RC3H1: variants seen among roughly 807,000 people sequenced by gnomAD.
The protein encoded by RC3H1 is roquin-1.
A neutral mutation model predicts 138.2 loss-of-function variants in RC3H1; 50 were observed. The observed-to-expected ratio is 0.36, with a 90% CI of 0.29 to 0.46. RC3H1 has a LOEUF of 0.46. Among genes scored for constraint, RC3H1 ranks in the 20% least tolerant of loss-of-function variants. RC3H1 has a pLI of 1.00. For synonymous variants in RC3H1, 462 were observed against 489.1 expected, an observed-to-expected ratio of 0.94 and a Z score of 0.73; for missense variants, 1,031 against 1,388.1, an observed-to-expected ratio of 0.74 and a Z score of 4.09.
intron 2 of RC3H1, among the ~76,000 whole-genome samples, chr1:173,987,024 A>G (rs1350046549): frequency 6.6e-6 from 1 of 152,114 alleles, no homozygotes; most frequent in Non-Finnish European, 1.5e-5. Context: ...TATTGGGGTT[A>G]TGGATTTTTG....
intron 13 of RC3H1, among the ~76,000 whole-genome samples, chr1:173,954,187 G>A (rs1659537441): frequency 6.6e-6 from 1 of 152,150 alleles, no homozygotes; most frequent in Non-Finnish European, 1.5e-5. Flanking sequence ...TAGGTATCCA[G>A]CAACAGATGA....
At position 173,999,378 on chromosome 1, in the gene RC3H1, C is replaced by CA. The variant is rs11299661; in HGVS notation, c.-150-6244dup. ...CTGGGCAATGAGAGCAAAACTCCAC[C>CA]AAAAAAAAAAAAAAGAGAGAGAGAG... On this transcript the variant is annotated intron_variant, in intron 1 of 19. Coordinates refer to ENST00000367696, the MANE Select transcript of RC3H1 (RefSeq NM_172071.4). 2.8e-3 allele frequency among the ~76,000 whole-genome samples: 310 copies of CA among 110,296 alleles called. 3 individuals carry two copies. Among genetic ancestry groups the CA allele is most frequent in the African/African-American group, 8.3e-3 (168 of 20,280 alleles). The allele number at this position is 110,296 out of a possible 152,430, so 72.4% of individuals were successfully genotyped here.
chr1:173,965,905 C>G (rs1352171544), intron 9 of RC3H1, among the ~76,000 whole-genome samples: 2 of 152,208 alleles, frequency 1.3e-5, no homozygotes, highest in Non-Finnish European at 2.9e-5. Flanking sequence ...CTCTGGGAGG[C>G]TGAAGCGGGC....
At chr1:173,941,862 C>T (rs140935415) in intron 18 of RC3H1, among the ~76,000 whole-genome samples, 4 of 149,582 alleles carry the variant, frequency 2.7e-5, no homozygotes, top group African/African-American at 9.9e-5. Flanking sequence ...ACCCAGAAGA[C>T]GGAGGTTGCA....
At chr1:173,983,268 A>G in intron 4 of RC3H1, 150 bp downstream of exon 4, 1 of 938,780 alleles carries the variant, frequency 1.1e-6, no homozygotes. Flanking sequence ...ACTAAGTTAC[A>G]TGGAATTGCC....
intron 1 of RC3H1, among the ~76,000 whole-genome samples, chr1:173,998,164 G>A (rs1015892156): frequency 6.6e-6 from 1 of 152,140 alleles, no homozygotes; most frequent in African/African-American, 2.4e-5. Flanking sequence ...AACAAAAACA[G>A]CTGTAAATAA....
chr1:174,015,508 G>A (rs903294506), intron 1 of RC3H1, among the ~76,000 whole-genome samples: 1 of 151,818 alleles, frequency 6.6e-6, no homozygotes, highest in Non-Finnish European at 1.5e-5. Flanking sequence ...GGGATTACAG[G>A]TGCCTGCCAC....
chr1:173,934,004 T>C lies in RC3H1; in HGVS notation c.*4717A>G, dbSNP rs1482806823. ...AATTTCCAGGTAGGTTATTAATCTC[T>C]CCTAAAAAGTAACTGGGCCATTCCT... On this transcript the variant is annotated 3_prime_UTR_variant, in exon 20 of 20. Coordinates refer to ENST00000367696, the MANE Select transcript of RC3H1 (RefSeq NM_172071.4). 1 of 152,136 alleles carries C rather than the reference T, an allele frequency of 6.6e-6. No homozygotes were observed. Among genetic ancestry groups the C allele is most frequent in the African/African-American group, 2.4e-5 (1 of 41,444 alleles). The allele number at this position is 152,136 out of a possible 1,614,324, so 9.4% of individuals were successfully genotyped here. A position where few individuals can be genotyped will look rare whatever the true frequency, so the allele number is the denominator to read the frequency against.
chr1:174,019,208 T>G (rs984475094), intron 1 of RC3H1, among the ~76,000 whole-genome samples: 3 of 152,228 alleles, frequency 2.0e-5, no homozygotes, highest in Non-Finnish European at 2.9e-5. Flanking sequence ...AAACAAAAAT[T>G]TAAGTGTTTC....
intron 13 of RC3H1, among the ~76,000 whole-genome samples, chr1:173,958,704 A>G (rs1377908621): frequency 3.2e-4 from 48 of 152,202 alleles, no homozygotes; most frequent in Admixed American, 6.5e-4. Flanking sequence ...CTTATTCACT[A>G]TAACTACTAG....
At chr1:174,010,285 C>T (rs1325212586) in intron 1 of RC3H1, among the ~76,000 whole-genome samples, 1 of 152,156 alleles carries the variant, frequency 6.6e-6, no homozygotes, top group African/African-American at 2.4e-5. Flanking sequence ...CTTAGTCATT[C>T]ATTCAAAAAC....
intron 5 of RC3H1, 106 bp downstream of exon 5, chr1:173,982,621 T>A: frequency 1.0e-6 from 1 of 976,600 alleles, no homozygotes; most frequent in Non-Finnish European, 1.5e-6. Context: ...TTGCTGAGAT[T>A]TTCTGAAAAG....
rs1572102895 is a variant in RC3H1 at position 173,935,318 on chromosome 1, G to A, written c.*3403C>T. 2 of 151,834 alleles carry A rather than the reference G, an allele frequency of 1.3e-5. No homozygotes were observed. Among genetic ancestry groups the A allele is most frequent in the South Asian group, 4.2e-4 (2 of 4,816 alleles). The allele number at this position is 151,834 out of a possible 1,614,324, so 9.4% of individuals were successfully genotyped here. A position where few individuals can be genotyped will look rare whatever the true frequency, so the allele number is the denominator to read the frequency against. On this transcript the variant is annotated 3_prime_UTR_variant, in exon 20 of 20. Coordinates refer to ENST00000367696, the MANE Select transcript of RC3H1 (RefSeq NM_172071.4). The stretch of plus-strand genomic sequence containing the variant: ...CTCAGTTCTTCTACCCTTTCCTAGC[G>A]ACTCCTTGAAAAAAGAGTAAGTCAA...
At position 174,002,808 on chromosome 1, in the gene RC3H1, G is replaced by T. The variant is rs150638737; in HGVS notation, c.-150-9673C>A. On this transcript the variant is annotated intron_variant, in intron 1 of 19. Coordinates refer to ENST00000367696, the MANE Select transcript of RC3H1 (RefSeq NM_172071.4). ...CACTCCTTGCCCATATCTATTGAGGGCTTCTTCTTCTCTATTCATCCTTGG... is the reference window on the plus strand; with the variant it reads ...CACTCCTTGCCCATATCTATTGAGGTCTTCTTCTTCTCTATTCATCCTTGG... Among the ~76,000 whole-genome samples, 830 of 152,170 alleles carry T rather than the reference G, an allele frequency of 5.5e-3. 3 individuals are homozygous for T. Among genetic ancestry groups the T allele is most frequent in the Admixed American group, 8.5e-3 (130 of 15,286 alleles).
intron 19 of RC3H1, 95 bp from the exon 20 acceptor site, chr1:173,938,966 T>C (rs1456362961): frequency 1.2e-5 from 11 of 935,558 alleles, no homozygotes; most frequent in East Asian, 2.8e-5. Context: ...ATTGAAAATA[T>C]ATAAATGGCT....
chr1:173,952,187 A>T lies in RC3H1; in HGVS notation c.2371-49T>A. On this transcript the variant is annotated intron_variant, in intron 13 of 19. Transcript: ENST00000367696. ...ACAAAAAAAAAAAAAAGAGAAAGAA[A>T]CAAAACAGGAAATGGGTCTATGAGT... 3 of 1,417,836 alleles carry T rather than the reference A, an allele frequency of 2.1e-6. No homozygotes were observed. The East Asian group carries it at 7.3e-5, about 35-fold the overall frequency. The allele number at this position is 1,417,836 out of a possible 1,614,324, so 87.8% of individuals were successfully genotyped here. A position where few individuals can be genotyped will look rare whatever the true frequency, so the allele number is the denominator to read the frequency against.
At chr1:173,971,128 A>G (rs1332678760) in intron 8 of RC3H1, among the ~76,000 whole-genome samples, 1 of 151,844 alleles carries the variant, frequency 6.6e-6, no homozygotes, top group East Asian at 1.9e-4. Flanking sequence ...CACCTGGCTA[A>G]TTTTTGTATT....
chr1:173,977,089 A>AT (rs542726699), intron 7 of RC3H1, among the ~76,000 whole-genome samples: 2 of 151,546 alleles, frequency 1.3e-5, no homozygotes, highest in East Asian at 1.9e-4. Flanking sequence ...TGCCCAGCTA[A>AT]TTTTTTTTGT....
At chr1:173,986,103 C>T (rs541897115) in intron 2 of RC3H1, among the ~76,000 whole-genome samples, 23 of 152,098 alleles carry the variant, frequency 1.5e-4, no homozygotes, top group African/African-American at 5.5e-4. Context: ...CTCACTGCAA[C>T]CTCCGCCTCC....
Sources: gnomAD v4.1 joint callset for allele counts (sites outside exome capture counted in the v4.1 genomes callset) on GRCh38, gnomAD v4.1.1 for gene constraint, MANE v1.5 for transcripts, NCBI Gene and HGNC (gene_info 2026-07-23, HGNC 2026-07-21) for gene names.